BBS7: variants seen among roughly 807,000 people sequenced by gnomAD.
BBS7 encodes the protein BBSome complex member BBS7.
BBS7 carries 50 observed loss-of-function variants against 90.3 expected under a neutral mutation model. The ratio of observed to expected loss-of-function variants is 0.55; its 90% CI spans 0.44 to 0.70. The LOEUF (loss-of-function observed/expected upper bound fraction) is 0.70. Among genes scored for constraint, BBS7 ranks in the 30% least tolerant of loss-of-function variants. The pLI is 0.00. For missense variants in BBS7, 729 were observed against 838.9 expected (o/e 0.87, Z 1.62); for synonymous variants, 235 against 287.4 (o/e 0.82, Z 1.85).
chr4:121,842,506 G>A (rs1406909736), intron 12 of BBS7, among the ~76,000 whole-genome samples: 2 of 151,282 alleles, frequency 1.3e-5, no homozygotes, highest in African/African-American at 2.4e-5. Context: ...ATGGTGGCTT[G>A]TGCCTGTAGT....
intron 5 of BBS7, among the ~76,000 whole-genome samples, chr4:121,856,537 A>C (rs573956438): frequency 1.3e-5 from 2 of 152,090 alleles, no homozygotes; most frequent in South Asian, 4.2e-4. Flanking sequence ...CAACATGGTG[A>C]AACCGTCTCT....
chr4:121,859,303 T>A (rs1267574604), intron 4 of BBS7, 125 bp from the exon 5 acceptor site: 4 of 867,134 alleles, frequency 4.6e-6, no homozygotes, highest in African/African-American at 3.4e-5. Flanking sequence ...ACACAGTTTT[T>A]AAAACTTTCT....
At position 121,863,248 on chromosome 4, in the gene BBS7, A is replaced by G. The variant is rs1578570803; in HGVS notation, c.134T>C (p.Met45Thr). ...VVIGDHDGVVMCFGMKKGEAA... is the reference protein window; with the variant it reads ...VVIGDHDGVVTCFGMKKGEAA... ...TTCTCCTTTCTTCATGCCAAAGCACATAACTACCCCATCATGATCTCCAAT... is the reference window on the plus strand; with the variant it reads ...TTCTCCTTTCTTCATGCCAAAGCACGTAACTACCCCATCATGATCTCCAAT... Residue 45 changes from methionine to threonine, a missense_variant, in exon 3 of 19, where the codon ATG (methionine) becomes ACG (threonine). Transcript: ENST00000264499. The G allele has an allele frequency of 3.1e-6, 5 of 1,613,962 alleles. No individual in the cohort carries two copies. The highest frequency in any genetic ancestry group is 2.2e-5 in the East Asian group (1 of 44,844).
intron 5 of BBS7, among the ~76,000 whole-genome samples, chr4:121,856,480 G>A (rs1560661981): frequency 6.6e-6 from 1 of 152,078 alleles, no homozygotes; most frequent in East Asian, 1.9e-4. Context: ...ACTTCCGGAG[G>A]CCAAGACGGG....
At position 121,867,733 on chromosome 4, in the gene BBS7, G is replaced by GA. The variant is rs1168992333; in HGVS notation, c.102+247dup. Among the ~76,000 whole-genome samples, 3 of 152,172 alleles carry GA rather than the reference G, an allele frequency of 2.0e-5. No homozygotes were observed. The East Asian group carries it at 5.8e-4, about 29-fold the overall frequency. On this transcript the variant is annotated intron_variant, in intron 2 of 18. Coordinates refer to ENST00000264499, the MANE Select transcript of BBS7 (RefSeq NM_176824.3). ...TTTTCATATACACATCTGACACACAGAAAAAATGGAGTATGGTTTTTAAGT... is the reference window on the plus strand; with the variant it reads ...TTTTCATATACACATCTGACACACAGAAAAAAATGGAGTATGGTTTTTAAGT...
chr4:121,837,294 T>A (rs1725507938), intron 13 of BBS7, among the ~76,000 whole-genome samples: 1 of 152,150 alleles, frequency 6.6e-6, no homozygotes, highest in Admixed American at 6.6e-5. Flanking sequence ...CCTATCCATA[T>A]CCTTTGCCTA....
At chr4:121,856,774 G>GTT (rs544291720) in intron 5 of BBS7, among the ~76,000 whole-genome samples, 4 of 143,978 alleles carry the variant, frequency 2.8e-5, no homozygotes, top group Admixed American at 7.0e-5. Context: ...TTGTTTTAAT[G>GTT]TTTTTTTTTT....
chr4:121,835,381 T>A, intron 13 of BBS7, 98 bp from the exon 14 acceptor site: 1 of 1,411,180 alleles, frequency 7.1e-7, no homozygotes, highest in Non-Finnish European at 9.8e-7. Flanking sequence ...TAAAATTCAC[T>A]AATATGTGAA....
chr4:121,868,146 T>C, intron 1 of BBS7, 100 bp from the exon 2 acceptor site: 1 of 887,942 alleles, frequency 1.1e-6, no homozygotes, highest in Non-Finnish European at 1.9e-6. Context: ...AAATTAGTGA[T>C]ATAACTATTA....
At position 121,866,328 on chromosome 4, in the gene BBS7, T is replaced by C. The variant is rs79271403; in HGVS notation, c.102+1653A>G. On this transcript the variant is annotated intron_variant, in intron 2 of 18. Transcript: ENST00000264499. Reference sequence around the variant, plus strand: ...ATGTCCTAAAGCATTAACATTTAGGTCTTTTTTTGTTTTTTGTTTTGTTTT... The same window carrying C: ...ATGTCCTAAAGCATTAACATTTAGGCCTTTTTTTGTTTTTTGTTTTGTTTT... Among the ~76,000 whole-genome samples, 1,282 of 152,202 alleles carry C rather than the reference T, an allele frequency of 8.4e-3. 18 individuals carry two copies. The highest frequency in any genetic ancestry group is 0.029 in the African/African-American group (1,205 of 41,538).
chr4:121,828,850 A>C (rs2063165), intron 15 of BBS7, 122 bp from the exon 16 acceptor site: 1 of 616,486 alleles, frequency 1.6e-6, no homozygotes, highest in Non-Finnish European at 2.7e-6. Context: ...TTCTGTATAC[A>C]TATATCATTA....
Position 121,845,718 on chromosome 4 carries a change from T to A in BBS7, c.1038-22A>T, listed in dbSNP as rs1231165346. 6.9e-6 allele frequency: 11 copies of A among 1,596,672 alleles called. No individual in the cohort carries two copies. In the South Asian group the frequency reaches 1.2e-4, roughly 18 times the overall value. On this transcript the variant is annotated intron_variant, in intron 10 of 18. Coordinates refer to ENST00000264499, the MANE Select transcript of BBS7 (RefSeq NM_176824.3). Reference sequence around the variant, plus strand: ...ATTCCTGGAGAAAAACACATACAAATTTGTCAAATATAAGTATAAACATTT... The same window carrying A: ...ATTCCTGGAGAAAAACACATACAAAATTGTCAAATATAAGTATAAACATTT...
At chr4:121,833,484 G>T in intron 14 of BBS7, 89 bp from the exon 15 acceptor site, 1 of 1,159,706 alleles carries the variant, frequency 8.6e-7, no homozygotes, top group Non-Finnish European at 1.3e-6. Flanking sequence ...TTTTGTAATA[G>T]TTGTTAAATA....
intron 2 of BBS7, among the ~76,000 whole-genome samples, chr4:121,864,750 C>A (rs1727165574): frequency 6.6e-6 from 1 of 151,818 alleles, no homozygotes; most frequent in Non-Finnish European, 1.5e-5. Flanking sequence ...GTTGGTTTAT[C>A]TTTTTTATTT....
chr4:121,825,869 A>C lies in BBS7; in HGVS notation c.2139T>G (p.Asp713Glu). 1 of 1,613,170 alleles carries C rather than the reference A, an allele frequency of 6.2e-7. No homozygotes were observed. Among genetic ancestry groups the C allele is most frequent in the Non-Finnish European group, 8.5e-7 (1 of 1,179,642 alleles). The change falls in exon 19 of 19, where the codon GAT (aspartate) becomes GAG (glutamate). Residue 713 changes from aspartate to glutamate, a missense_variant. By Grantham distance (45) the Asp-to-Glu change is conservative. Coordinates refer to ENST00000264499, the MANE Select transcript of BBS7 (RefSeq NM_176824.3). ...TTACCTTATTTGTATGTCATGCTGC[A>C]TCGAAGAATGAAATCAATGCATTTT... ...YDQNALISFF[D>E]AA
At chr4:121,827,334 A>G (rs1311617814) in intron 18 of BBS7, among the ~76,000 whole-genome samples, 2 of 152,232 alleles carry the variant, frequency 1.3e-5, no homozygotes, top group African/African-American at 4.8e-5. Context: ...CTCTACAGTG[A>G]CTATGGAAGG....
chr4:121,852,739 T>A (rs1431998615), intron 8 of BBS7, among the ~76,000 whole-genome samples: 2 of 152,076 alleles, frequency 1.3e-5, no homozygotes, highest in Non-Finnish European at 2.9e-5. Context: ...TATTTTAAAG[T>A]ATAATGAAAA....
chr4:121,846,059 A>G (rs533254021), intron 10 of BBS7, among the ~76,000 whole-genome samples: 1 of 152,380 alleles, frequency 6.6e-6, no homozygotes, highest in Non-Finnish European at 1.5e-5. Flanking sequence ...CTAATATTGC[A>G]GAACATATTA....
chr4:121,847,280 G>T, intron 10 of BBS7, 124 bp downstream of exon 10: 2 of 662,694 alleles, frequency 3.0e-6, no homozygotes, highest in Non-Finnish European at 5.2e-6. Flanking sequence ...CATTTTAAAA[G>T]GTGATAAACT....
Sources: allele counts gnomAD v4.1 joint callset (sites outside exome capture counted in the v4.1 genomes callset), GRCh38; gene constraint gnomAD v4.1.1; transcripts MANE v1.5; gene names NCBI Gene and HGNC (gene_info 2026-07-23, HGNC 2026-07-21).